Variants in MYO19 observed in about 807,000 individuals in gnomAD.
MYO19 encodes the protein myosin XIX, also known as unconventional myosin-XIX.
In MYO19, 132 loss-of-function variants were observed where a neutral mutation model predicts 129.2. The ratio of observed to expected loss-of-function variants is 1.02; its 90% confidence interval spans 0.89 to 1.18. The LOEUF (loss-of-function observed/expected upper bound fraction) is 1.18. MYO19 is among the 50% of genes most tolerant of loss of function. The probability of loss-of-function intolerance (pLI) is 0.00; values close to 1 mark genes in which losing one functional copy is unlikely to be tolerated. For synonymous variants in MYO19, 531 were observed against 477.2 expected (o/e 1.11, Z -1.47); for missense variants, 1,210 against 1,216.7 (o/e 0.99, Z 0.08).
intron 6 of MYO19, among the ~76,000 whole-genome samples, chr17:36,521,160 T>C (rs2073106932): frequency 1.3e-5 from 2 of 152,236 alleles, no homozygotes; most frequent in Admixed American, 1.3e-4. Flanking sequence ...GGAAAAGTTA[T>C]GGCCATTCAG....
chr17:36,512,957 T>TG (rs2142060443), intron 11 of MYO19: 1 of 757,066 alleles, frequency 1.3e-6, no homozygotes, highest in Non-Finnish European at 1.8e-6. Flanking sequence ...TTACTATGTC[T>TG]GGTACTCTGT....
chr17:36,508,109 C>T lies in MYO19; in HGVS notation c.1232-185G>A, dbSNP rs899186878. On this transcript the variant is annotated intron_variant, in intron 14 of 25. Transcript: ENST00000614623. ...CTTCCCCACCCTCCACCCAAGGTGG[C>T]TCCCATCTCTACCCCATTCCCCTGT... is the stretch of plus-strand genomic sequence containing the variant. 6 of 541,494 alleles carry T rather than the reference C, an allele frequency of 1.1e-5. No homozygotes were observed. In the African/African-American group the frequency reaches 1.1e-4, roughly 10 times the overall value. The allele number at this position is 541,494 out of a possible 1,614,324, so 33.5% of individuals were successfully genotyped here.
At chr17:36,508,716 C>G (rs1445194884) in intron 14 of MYO19, 14 of 259,736 alleles carry the variant, frequency 5.4e-5, no homozygotes, top group Non-Finnish European at 9.6e-5. Context: ...CAGGTGTGAG[C>G]CACGGTGCCA....
At chr17:36,523,900 T>C (rs981071028) in intron 6 of MYO19, among the ~76,000 whole-genome samples, 67 of 152,202 alleles carry the variant, frequency 4.4e-4, no homozygotes, top group African/African-American at 1.5e-3. Flanking sequence ...GGGAACAAGG[T>C]TGAAAGACAA....
At chr17:36,542,140 A>G (rs1439963506) in exon 2 of MYO19, 1 of 152,226 alleles carries the variant, frequency 6.6e-6, no homozygotes, top group Non-Finnish European at 1.5e-5. Flanking sequence ...CTATTTGTCC[A>G]AAGATACTAA....
chr17:36,512,953 T>C, intron 11 of MYO19: 2 of 762,716 alleles, frequency 2.6e-6, no homozygotes, highest in Non-Finnish European at 3.6e-6. Flanking sequence ...GGAATTACTA[T>C]GTCTGGTACT....
upstream of MYO19, among the ~76,000 whole-genome samples, chr17:36,536,496 G>T (rs1176908506): frequency 2.0e-5 from 3 of 149,710 alleles, no homozygotes; most frequent in Non-Finnish European, 4.4e-5. Context: ...TCCCAAATTC[G>T]CTCTCTTTTC....
At chr17:36,507,213 T>C in intron 16 of MYO19, 74 bp from the exon 17 acceptor site, 5 of 1,549,588 alleles carry the variant, frequency 3.2e-6, no homozygotes, top group South Asian at 1.2e-5. Flanking sequence ...CCCCACCCTG[T>C]GGACCCCATG....
upstream of MYO19, chr17:36,538,271 G>A: frequency 6.2e-7 from 1 of 1,613,252 alleles, no homozygotes; most frequent in African/African-American, 1.3e-5. Context: ...GTTTATTACT[G>A]GGTGATATAA....
rs2306595 is a variant in MYO19 at position 36,515,878 on chromosome 17, T to G, written c.527A>C (p.Asn176Thr). ...CTCACCAAAAGCTTCCATGACAGGG[T>G]TGGAGTTCAGGATCCTCTGTTCTAT... ...ERIEQRILNS[N>T]PVMEAFGNAC... The change falls in exon 7 of 26, where the codon AAC becomes ACC. Residue 176 changes from asparagine (N) to threonine (T), a missense_variant. Coordinates refer to ENST00000614623, the MANE Select transcript of MYO19 (RefSeq NM_001163735.2). 1 of 1,612,906 alleles carries G rather than the reference T, an allele frequency of 6.2e-7. No homozygotes were observed. Among genetic ancestry groups the G allele is most frequent in the Admixed American group, 1.7e-5 (1 of 59,998 alleles).
chr17:36,508,971 G>A, intron 14 of MYO19, 91 bp downstream of exon 14: 2 of 1,123,166 alleles, frequency 1.8e-6, no homozygotes, highest in Non-Finnish European at 2.7e-6. Flanking sequence ...ACTGCCCAGA[G>A]TCACACAGTG....
In MYO19 at chr17:36,501,185, T is replaced by C. The variant is rs2071499576; in HGVS notation, c.2131A>G (p.Ile711Val). Reference sequence around the variant, plus strand: ...GTTAGGACCGGCAGAGTGTGGAGAATGTCCTGGATGAGAGGTTCAAGCGTG... The same window carrying C: ...GTTAGGACCGGCAGAGTGTGGAGAACGTCCTGGATGAGAGGTTCAAGCGTG... ...EATLEPLIQD[I>V]LHTLPVLTQA... is the part of the protein sequence containing the mutation. The change falls in exon 22 of 26, where the codon ATT (isoleucine) becomes GTT (valine). Residue 711 changes from isoleucine to valine, a missense_variant. Ile to Val is a conservative substitution (Grantham distance 29). Coordinates refer to ENST00000614623, the MANE Select transcript of MYO19 (RefSeq NM_001163735.2). 6.2e-7 allele frequency: 1 copy of C among 1,613,990 alleles called. No individual in the cohort carries two copies. Among genetic ancestry groups the C allele is most frequent in the Admixed American group, 1.7e-5 (1 of 60,024 alleles).
chr17:36,499,290 TACA>T, intron 23 of MYO19, 130 bp from the exon 24 acceptor site: 1 of 605,034 alleles, frequency 1.7e-6, no homozygotes, highest in South Asian at 1.9e-5. Flanking sequence ...AATAAATTGC[TACA>T]AATAAGGTTC....
chr17:36,498,206 T>C (rs2071179904), intron 25 of MYO19, 60 bp downstream of exon 25: 8 of 1,550,798 alleles, frequency 5.2e-6, no homozygotes, highest in South Asian at 1.2e-5. Context: ...TGTGAACTTG[T>C]AGGCTTTGCT....
chr17:36,509,384 C>G, intron 13 of MYO19: 1 of 568,780 alleles, frequency 1.8e-6, no homozygotes, highest in South Asian at 2.0e-5. Context: ...AGACTGAGCA[C>G]AGGACAAGCT....
chr17:36,515,509 C>T (rs1182476087), intron 7 of MYO19, among the ~76,000 whole-genome samples: 1 of 152,168 alleles, frequency 6.6e-6, no homozygotes, highest in Non-Finnish European at 1.5e-5. Flanking sequence ...GGTTCCAGTG[C>T]CAACACAAAC....
chr17:36,500,918 C>T lies in MYO19; in HGVS notation c.2289G>A (p.Gln763=). The T allele has an allele frequency of 6.2e-7, 1 of 1,610,880 alleles. No individual in the cohort carries two copies. Among genetic ancestry groups the T allele is most frequent in the Non-Finnish European group, 8.5e-7 (1 of 1,179,190 alleles). Residue 763 remains glutamine, a synonymous_variant, in exon 23 of 26, where the codon CAG becomes CAA. Coordinates refer to ENST00000614623, the MANE Select transcript of MYO19 (RefSeq NM_001163735.2). ...AGCCACCCTGGATGCAGCGGGCACA[C>T]TGCTCCAGCACCCGGGCACGCCCAC... is the stretch of plus-strand genomic sequence containing the variant. ...LECGRARVLE[Q]CARCIQGGWR... is the part of the protein sequence containing the mutation.
chr17:36,505,244 G>A (rs1599250874), intron 19 of MYO19, 53 bp downstream of exon 19: 1 of 1,480,708 alleles, frequency 6.8e-7, no homozygotes, highest in East Asian at 2.3e-5. Context: ...TCTCTCCAGG[G>A]CCTTGGCCAG....
At chr17:36,523,182 C>CAAA (rs34403651) in intron 6 of MYO19, among the ~76,000 whole-genome samples, 2 of 103,442 alleles carry the variant, frequency 1.9e-5, no homozygotes, top group African/African-American at 3.5e-5. Flanking sequence ...AACCCTGTCT[C>CAAA]AAAAAAAAAA....
Sources: allele counts gnomAD v4.1 joint callset (sites outside exome capture counted in the v4.1 genomes callset), GRCh38; gene constraint gnomAD v4.1.1; transcripts MANE v1.5; gene names NCBI Gene and HGNC (gene_info 2026-07-23, HGNC 2026-07-21).